The following LHCGR variants were observed in gnomAD, a reference collection of about 807,000 sequenced individuals.
LHCGR encodes luteinizing hormone/choriogonadotropin receptor.
Under a neutral mutation model 60.7 loss-of-function variants are expected in LHCGR, and 55 were observed. The ratio of observed to expected loss-of-function variants is 0.91; its 90% confidence interval spans 0.73 to 1.13. The LOEUF (loss-of-function observed/expected upper bound fraction) is 1.13, where lower values mean the gene tolerates loss of function less well. Among genes scored for constraint, LHCGR ranks in the 50% most tolerant of loss-of-function variants. The probability of loss-of-function intolerance (pLI) is 0.00; values close to 1 mark genes in which losing one functional copy is unlikely to be tolerated. For missense variants in LHCGR, 862 were observed against 836.0 expected (o/e 1.03, Z -0.38); for synonymous variants, 337 against 316.5 (o/e 1.06, Z -0.69).
intron 6 of LHCGR, among the ~76,000 whole-genome samples, chr2:48,717,933 C>G (rs1054287932): frequency 1.5e-5 from 2 of 133,476 alleles, no homozygotes; most frequent in Non-Finnish European, 3.1e-5. Flanking sequence ...TGTCTCTTTT[C>G]TTACCGGTCA....
intron 6 of LHCGR, 35 bp downstream of exon 6, chr2:48,723,421 T>C: frequency 7.0e-7 from 1 of 1,426,790 alleles, no homozygotes; most frequent in Non-Finnish European, 9.9e-7. Context: ...AGCAGGAGGC[T>C]GTATGGCAGA....
At chr2:48,733,825 C>G (rs1187233785) in intron 1 of LHCGR, among the ~76,000 whole-genome samples, 1 of 152,004 alleles carries the variant, frequency 6.6e-6, no homozygotes, top group Non-Finnish European at 1.5e-5. Flanking sequence ...GTAGCAGTTC[C>G]TAAGCATTCA....
intron 6 of LHCGR, chr2:48,720,584 T>A (rs1668454208): frequency 6.6e-6 from 1 of 152,260 alleles, no homozygotes; most frequent in Non-Finnish European, 1.5e-5. Flanking sequence ...CAGCCAGTTA[T>A]CTAAACTCAC....
rs1370516458 is a variant in LHCGR at position 48,744,016 on chromosome 2, G to A, written c.161+11495C>T. ...CAAAGTCTCAGGATACAAAATCAAC[G>A]TACAAAAATCACAAGCATTCTTATA... On this transcript the variant is annotated intron_variant, in intron 1 of 10. Coordinates refer to ENST00000294954, the MANE Select transcript of LHCGR (RefSeq NM_000233.4). Among the ~76,000 whole-genome samples, 27 of 109,244 alleles carry A rather than the reference G, an allele frequency of 2.5e-4. 1 individual carries two copies. Among genetic ancestry groups the A allele is most frequent in the Admixed American group, 2.1e-4 (2 of 9,654 alleles). The allele number at this position is 109,244 out of a possible 152,430, so 71.7% of individuals were successfully genotyped here.
intron 6 of LHCGR, among the ~76,000 whole-genome samples, chr2:48,716,006 C>A (rs368606037): frequency 6.6e-6 from 1 of 152,138 alleles, no homozygotes; most frequent in South Asian, 2.1e-4. Flanking sequence ...TTCCCAGGCT[C>A]TCATATGCTT....
chr2:48,755,466 G>A (rs1258091493), intron 1 of LHCGR, 45 bp downstream of exon 1: 2 of 1,244,094 alleles, frequency 1.6e-6, no homozygotes, highest in Non-Finnish European at 2.3e-6. Context: ...GAGCGATGGA[G>A]GGTCCTGCAT....
intron 10 of LHCGR, among the ~76,000 whole-genome samples, chr2:48,693,703 G>T (rs1298950427): frequency 6.6e-6 from 1 of 152,236 alleles, no homozygotes; most frequent in Non-Finnish European, 1.5e-5. Context: ...GCAGAAAAGT[G>T]TTAAAAGTTA....
chr2:48,702,343 C>A (rs1459123712), intron 8 of LHCGR, among the ~76,000 whole-genome samples: 1 of 151,622 alleles, frequency 6.6e-6, no homozygotes, highest in African/African-American at 2.4e-5. Flanking sequence ...ATACATATGC[C>A]ACGTTGGTTT....
chr2:48,753,001 G>GGGGGGGGGGGGGGGGGGA (rs1670047801), intron 1 of LHCGR, among the ~76,000 whole-genome samples: 1 of 92,634 alleles, frequency 1.1e-5, no homozygotes, highest in Non-Finnish European at 2.2e-5. Flanking sequence ...GGGGGGTGGG[G>GGGGGGGGGGGGGGGGGGA]AAGGGAAGTG....
chr2:48,718,157 G>C (rs1406788141), intron 6 of LHCGR, among the ~76,000 whole-genome samples: 1 of 151,994 alleles, frequency 6.6e-6, no homozygotes, highest in Admixed American at 6.6e-5. Flanking sequence ...GCTTTACTTT[G>C]AGGATTTTGT....
chr2:48,708,592 T>A (rs1391020003), intron 8 of LHCGR, among the ~76,000 whole-genome samples: 1 of 151,812 alleles, frequency 6.6e-6, no homozygotes, highest in Non-Finnish European at 1.5e-5. Context: ...ATACACAATG[T>A]ACCATGTGAA....
chr2:48,744,504 T>C (rs1458111125), intron 1 of LHCGR, among the ~76,000 whole-genome samples: 1 of 103,338 alleles, frequency 9.7e-6, no homozygotes, highest in African/African-American at 4.1e-5. Context: ...GAGATATAGA[T>C]CAATGGAACA....
Position 48,688,913 on chromosome 2 carries a change from T to C in LHCGR, c.948-64A>G, listed in dbSNP as rs2104358078. 1 of 1,464,396 alleles carries C rather than the reference T, an allele frequency of 6.8e-7. No homozygotes were observed. The allele number at this position is 1,464,396 out of a possible 1,614,324, so 90.7% of individuals were successfully genotyped here. A position where few individuals can be genotyped will look rare whatever the true frequency, so the allele number is the denominator to read the frequency against. On this transcript the variant is annotated intron_variant, in intron 10 of 10. Coordinates refer to ENST00000294954, the MANE Select transcript of LHCGR (RefSeq NM_000233.4). The surrounding 1 kb of genome is among the most constrained non-coding windows in gnomAD (Gnocchi z 5.2). ...TCTGAGTATTAAAAAATTCAAGAATTATGTTTCTTTAAAGGCAAAGAAACA... is the reference window on the plus strand; with the variant it reads ...TCTGAGTATTAAAAAATTCAAGAATCATGTTTCTTTAAAGGCAAAGAAACA...
intron 6 of LHCGR, among the ~76,000 whole-genome samples, chr2:48,723,029 C>G (rs551901750): frequency 6.6e-6 from 1 of 152,290 alleles, no homozygotes; most frequent in East Asian, 1.9e-4. Flanking sequence ...ATGAGAGAGA[C>G]AGAGCAAGGT....
rs540789106 is a variant in LHCGR, at chr2:48,696,249, TATC to T, written c.867-1948_867-1946del. Among the ~76,000 whole-genome samples the T allele has an allele frequency of 9.5e-4, 144 of 152,324 alleles. 3 individuals are homozygous for T. Among genetic ancestry groups the T allele is most frequent in the African/African-American group, 3.2e-3 (134 of 41,562 alleles). On this transcript the variant is annotated intron_variant, in intron 9 of 10. Transcript: ENST00000294954. ...GTTCATGCATATTCTATGAAAGAAG[TATC>T]ATGCTGTTGACACATTATTACAAGG...
intron 7 of LHCGR, among the ~76,000 whole-genome samples, chr2:48,710,691 A>G: frequency 6.6e-6 from 1 of 151,782 alleles, no homozygotes; most frequent in Admixed American, 6.6e-5. Flanking sequence ...GTATGGACTG[A>G]CTCCTAGACC....
intron 1 of LHCGR, among the ~76,000 whole-genome samples, chr2:48,733,617 C>T (rs1480674021): frequency 6.6e-6 from 1 of 151,996 alleles, no homozygotes; most frequent in Non-Finnish European, 1.5e-5. Context: ...ATGGCTGGGT[C>T]AAGAAAGAGT....
intron 7 of LHCGR, among the ~76,000 whole-genome samples, chr2:48,713,658 C>T (rs1356321356): frequency 6.6e-6 from 1 of 152,160 alleles, no homozygotes; most frequent in Admixed American, 6.5e-5. Context: ...GAATTTCTTT[C>T]TGAAATTCTG....
intron 10 of LHCGR, among the ~76,000 whole-genome samples, chr2:48,690,359 T>A (rs1336632462): frequency 6.6e-6 from 1 of 152,198 alleles, no homozygotes; most frequent in African/African-American, 2.4e-5. Flanking sequence ...GGCTGTGTAA[T>A]CCCAGGAGAG....
Sources: allele counts gnomAD v4.1 joint callset (sites outside exome capture counted in the v4.1 genomes callset), GRCh38; gene constraint gnomAD v4.1.1; non-coding constraint Gnocchi (gnomAD v3.1); transcripts MANE v1.5; gene names NCBI Gene and HGNC (gene_info 2026-07-23, HGNC 2026-07-21).